The following SGCD variants were observed in gnomAD, a reference collection of about 807,000 sequenced individuals.
SGCD encodes delta-sarcoglycan.
Under a neutral mutation model 36.6 loss-of-function variants are expected in SGCD, and 18 were observed. The ratio of observed to expected loss-of-function variants is 0.49; its 90% CI spans 0.34 to 0.73. The LOEUF (loss-of-function observed/expected upper bound fraction) is 0.73, where lower values mean the gene tolerates loss of function less well. Ranked by LOEUF, SGCD falls within the 30% of genes least tolerant of loss-of-function variation. The pLI is 0.01. For synonymous variants in SGCD, 133 were observed against 130.6 expected (o/e 1.02, Z -0.12); for missense variants, 387 against 346.7 (o/e 1.12, Z -0.92).
At chr5:156,362,962 A>C (rs190648184) in intron 3 of SGCD, among the ~76,000 whole-genome samples, 45 of 152,264 alleles carry the variant, frequency 3.0e-4, no homozygotes, top group Admixed American at 2.6e-3. Context: ...GGGATAATTG[A>C]CTATAATTTC....
chr5:156,502,824 T>A (rs1756516365), intron 3 of SGCD, among the ~76,000 whole-genome samples: 1 of 152,240 alleles, frequency 6.6e-6, no homozygotes, highest in Non-Finnish European at 1.5e-5. Context: ...GTTCCAAAGC[T>A]AGAAAGGAGA....
intron 1 of SGCD, among the ~76,000 whole-genome samples, chr5:155,925,047 A>G (rs1217958007): frequency 6.7e-6 from 1 of 150,352 alleles, no homozygotes; most frequent in Non-Finnish European, 1.5e-5. Context: ...AGAATTTGTA[A>G]AAGTGAAACC....
chr5:156,757,224 C>A (rs1757368438), intron 7 of SGCD, among the ~76,000 whole-genome samples: 1 of 113,908 alleles, frequency 8.8e-6, no homozygotes, highest in South Asian at 3.0e-4. Flanking sequence ...CTACCAATTC[C>A]AGGAAGCTCG....
At chr5:155,984,798 C>T (rs1001479738) in intron 1 of SGCD, among the ~76,000 whole-genome samples, 2 of 152,198 alleles carry the variant, frequency 1.3e-5, no homozygotes, top group Non-Finnish European at 2.9e-5. Flanking sequence ...TATAGACCCT[C>T]TTAGTGCCAG....
intron 1 of SGCD, among the ~76,000 whole-genome samples, chr5:155,893,877 T>TA (rs1323234913): frequency 1.3e-5 from 2 of 152,256 alleles, no homozygotes; most frequent in African/African-American, 4.8e-5. Context: ...TAAAGCCTGT[T>TA]ACTCTTAGGC....
chr5:156,758,872 CA>C (rs1166688784), intron 8 of SGCD, among the ~76,000 whole-genome samples: 6 of 151,936 alleles, frequency 3.9e-5, no homozygotes, highest in Non-Finnish European at 7.4e-5. Context: ...TCACCTTGCA[CA>C]CAGTCATAGT....
chr5:156,051,599 G>T (rs1386658768), intron 1 of SGCD, among the ~76,000 whole-genome samples: 1 of 146,240 alleles, frequency 6.8e-6, no homozygotes, highest in Non-Finnish European at 1.5e-5. Context: ...GTACTAAGGT[G>T]AGAACCCAAT....
chr5:156,709,345 A>G (rs962448127), intron 7 of SGCD, among the ~76,000 whole-genome samples: 8 of 152,170 alleles, frequency 5.3e-5, no homozygotes, highest in African/African-American at 1.9e-4. Context: ...GGTCTGAATG[A>G]GGTCAAATTG....
chr5:156,350,886 A>G (rs1769217418), intron 3 of SGCD, among the ~76,000 whole-genome samples: 1 of 152,204 alleles, frequency 6.6e-6, no homozygotes, highest in Admixed American at 6.5e-5. Context: ...GGCTCAGAGA[A>G]GTTGAGTGAC....
At chr5:156,565,393 A>G (rs1211608004) in intron 4 of SGCD, among the ~76,000 whole-genome samples, 1 of 152,156 alleles carries the variant, frequency 6.6e-6, no homozygotes, top group Non-Finnish European at 1.5e-5. Context: ...CCAGCCCTAG[A>G]TTATTCTCTT....
intron 7 of SGCD, among the ~76,000 whole-genome samples, chr5:156,736,083 G>A (rs1007955073): frequency 6.6e-6 from 1 of 152,032 alleles, no homozygotes; most frequent in Admixed American, 6.5e-5. Context: ...ATGGGCCGTC[G>A]TCCTGCCTTG....
intron 3 of SGCD, among the ~76,000 whole-genome samples, chr5:156,387,912 C>T (rs1561663003): frequency 6.6e-6 from 1 of 152,264 alleles, no homozygotes; most frequent in Non-Finnish European, 1.5e-5. Context: ...CCTACAAAAG[C>T]AAAGGTTTCT....
Position 156,343,153 on chromosome 5 carries a change from T to A in SGCD, c.4-1336T>A, listed in dbSNP as rs970369930. On this transcript the variant is annotated intron_variant, in intron 2 of 8. Transcript: ENST00000337851. Reference sequence around the variant, plus strand: ...ATTGTGAACCATCTGGAAGATATCCTAATAACCAAGGATGTGATTTTAGGG... The same window carrying A: ...ATTGTGAACCATCTGGAAGATATCCAAATAACCAAGGATGTGATTTTAGGG... Among the ~76,000 whole-genome samples, 5 of 152,314 alleles carry A rather than the reference T, an allele frequency of 3.3e-5. No individual in the cohort carries two copies. The East Asian group carries it at 9.6e-4, about 29-fold the overall frequency.
chr5:155,871,815 CAA>C (rs1561633250), intron 1 of SGCD, among the ~76,000 whole-genome samples: 1 of 152,124 alleles, frequency 6.6e-6, no homozygotes, highest in Non-Finnish European at 1.5e-5. Flanking sequence ...GTGAAGCTGA[CAA>C]GAGTTAGGTC....
chr5:156,648,768 T>A (rs563855285), intron 7 of SGCD, among the ~76,000 whole-genome samples: 11 of 152,286 alleles, frequency 7.2e-5, no homozygotes, highest in African/African-American at 2.6e-4. Context: ...CTATGTTTCA[T>A]ATAAGGTACT....
chr5:156,119,047 G>T (rs1581109656), intron 2 of SGCD, among the ~76,000 whole-genome samples: 1 of 152,140 alleles, frequency 6.6e-6, no homozygotes, highest in Admixed American at 6.6e-5. Flanking sequence ...GTGGTGACTT[G>T]GTGCTGGGTA....
At chr5:156,670,715 A>G (rs376757723) in intron 7 of SGCD, among the ~76,000 whole-genome samples, 3 of 152,202 alleles carry the variant, frequency 2.0e-5, no homozygotes, top group African/African-American at 7.2e-5. Flanking sequence ...AGAACTTTCC[A>G]TGGTTTATTA....
Position 156,709,081 on chromosome 5 carries a change from T to C in SGCD, c.576-48500T>C, listed in dbSNP as rs542528335. ...CAAAGGGAAATTTATACCCCTCTTTTAGACAAAAAAGGTGAAGATAGAGAG... is the reference window on the plus strand; with the variant it reads ...CAAAGGGAAATTTATACCCCTCTTTCAGACAAAAAAGGTGAAGATAGAGAG... On this transcript the variant is annotated intron_variant, in intron 7 of 8. Coordinates refer to ENST00000337851, the MANE Select transcript of SGCD (RefSeq NM_000337.6). Among the ~76,000 whole-genome samples the C allele has an allele frequency of 2.6e-5, 4 of 152,250 alleles. No homozygotes were observed. The South Asian group carries it at 8.3e-4, about 32-fold the overall frequency.
intron 3 of SGCD, among the ~76,000 whole-genome samples, chr5:156,164,526 C>T (rs1218952049): frequency 6.6e-6 from 1 of 152,152 alleles, no homozygotes; most frequent in African/African-American, 2.4e-5. Flanking sequence ...CTGTCTATTT[C>T]CAGTCTGCTC....
Sources: gnomAD v4.1 joint callset for allele counts (sites outside exome capture counted in the v4.1 genomes callset) on GRCh38, gnomAD v4.1.1 for gene constraint, MANE v1.5 for transcripts, NCBI Gene and HGNC (gene_info 2026-07-23, HGNC 2026-07-21) for gene names.